KIRREL3: variants seen among roughly 807,000 people sequenced by gnomAD.
The protein encoded by KIRREL3 is kirre like nephrin family adhesion molecule 3.
KIRREL3 carries 36 observed loss-of-function variants against 89.7 expected under a neutral mutation model. That is an observed-to-expected ratio of 0.40 (90% CI 0.31 to 0.53). The LOEUF (loss-of-function observed/expected upper bound fraction) is 0.53, where lower values mean the gene tolerates loss of function less well. Ranked by LOEUF, KIRREL3 falls within the 20% of genes least tolerant of loss-of-function variation. The pLI is 0.49. For missense variants in KIRREL3, 864 were observed against 1,056.6 expected (o/e 0.82, Z 2.53); for synonymous variants, 445 against 441.4 (o/e 1.01, Z -0.10).
rs1018400581 is a variant in KIRREL3, at chr11:126,970,077, T to C, written c.55+30378A>G. ...GTCACAGCCAAGCTGCCCTAGGTTG[T>C]CACCTAGGGACGGAACAGGAAAATG... is the stretch of plus-strand genomic sequence containing the variant. On this transcript the variant is annotated intron_variant, in intron 1 of 16. Transcript: ENST00000525144. The surrounding 1 kb of genome is among the most constrained non-coding windows in gnomAD (Gnocchi z 4.4). 3.9e-5 allele frequency among the ~76,000 whole-genome samples: 6 copies of C among 152,194 alleles called. No individual in the cohort carries two copies. The highest frequency in any genetic ancestry group is 5.9e-5 in the Non-Finnish European group (4 of 68,030).
chr11:126,456,202 A>AAGAGG lies in KIRREL3; in HGVS notation c.848+142_848+146dup. The stretch of plus-strand genomic sequence containing the variant: ...ACACGGCTAGCAGGCAGGCGGGTTT[A>AAGAGG]AGAGGAAGGGAAGAAGGCTACTGGA... On this transcript the variant is annotated intron_variant, in intron 7 of 16. Coordinates refer to ENST00000525144, the MANE Select transcript of KIRREL3 (RefSeq NM_032531.4). 4.9e-6 allele frequency: 3 copies of AAGAGG among 608,446 alleles called. No individual in the cohort carries two copies. The Admixed American group carries it at 7.9e-5, about 16-fold the overall frequency. The allele number at this position is 608,446 out of a possible 1,614,324, so 37.7% of individuals were successfully genotyped here.
rs1295174701 is a variant in KIRREL3, at chr11:126,796,185, G to A, written c.55+204270C>T. Among the ~76,000 whole-genome samples the A allele has an allele frequency of 1.3e-5, 2 of 150,832 alleles. No homozygotes were observed. Among genetic ancestry groups the A allele is most frequent in the Non-Finnish European group, 3.0e-5 (2 of 67,778 alleles). ...TCTCTAGAGGTCATGAAGGGAAGAAGGGGTTAAAAAAAAAAAAGGCAAGAC... is the reference window on the plus strand; with the variant it reads ...TCTCTAGAGGTCATGAAGGGAAGAAAGGGTTAAAAAAAAAAAAGGCAAGAC... On this transcript the variant is annotated intron_variant, in intron 1 of 16. Transcript: ENST00000525144. This position sits in a 1 kb window ranked among gnomAD's most constrained non-coding sequence, Gnocchi z 5.1.
Position 126,890,506 on chromosome 11 carries a change from A to T in KIRREL3, c.55+109949T>A, listed in dbSNP as rs539694107. On this transcript the variant is annotated intron_variant, in intron 1 of 16. Transcript: ENST00000525144. This position sits in a 1 kb window ranked among gnomAD's most constrained non-coding sequence, Gnocchi z 5.1. ...GCTGCTCAATTTTCAACAGGATCTC[A>T]TCAAGCACTTTGCCATTTAATGGTG... 3.3e-5 allele frequency among the ~76,000 whole-genome samples: 5 copies of T among 152,278 alleles called. No homozygotes were observed. Among genetic ancestry groups the T allele is most frequent in the African/African-American group, 4.8e-5 (2 of 41,558 alleles).
At chr11:126,759,341 G>T (rs1164662189) in intron 1 of KIRREL3, among the ~76,000 whole-genome samples, 4 of 152,178 alleles carry the variant, frequency 2.6e-5, no homozygotes, top group African/African-American at 9.7e-5. Flanking sequence ...TATTGGCCAG[G>T]TTGGTCTCGA....
At chr11:126,584,920 C>CT (rs56653553) in intron 1 of KIRREL3, among the ~76,000 whole-genome samples, 49,925 of 147,866 alleles carry the variant, frequency 0.34, 8,350 homozygotes, top group Admixed American at 0.4. Context: ...CTTTGCTTTT[C>CT]TTTTTTTTTT....
At chr11:126,602,507 G>T (rs1942705348) in intron 1 of KIRREL3, among the ~76,000 whole-genome samples, 1 of 152,226 alleles carries the variant, frequency 6.6e-6, no homozygotes, top group Non-Finnish European at 1.5e-5. Context: ...TCCCCTGACA[G>T]ATGAGGGAGA....
At chr11:126,671,726 A>G (rs750240059) in intron 1 of KIRREL3, among the ~76,000 whole-genome samples, 4 of 151,990 alleles carry the variant, frequency 2.6e-5, no homozygotes, top group African/African-American at 4.8e-5. Flanking sequence ...TAAAATTACA[A>G]CATACCTCTA....
chr11:126,674,962 A>G (rs1029975110), intron 1 of KIRREL3, among the ~76,000 whole-genome samples: 1 of 152,188 alleles, frequency 6.6e-6, no homozygotes, highest in Non-Finnish European at 1.5e-5. Flanking sequence ...TTAACCAATA[A>G]GCACCTGATG....
At chr11:126,901,679 A>C (rs1946377191) in intron 1 of KIRREL3, among the ~76,000 whole-genome samples, 1 of 152,224 alleles carries the variant, frequency 6.6e-6, no homozygotes, top group Non-Finnish European at 1.5e-5. Context: ...TATGATGTCC[A>C]CATACAGATG....
chr11:126,831,028 A>T (rs1471085620), intron 1 of KIRREL3, among the ~76,000 whole-genome samples: 1 of 152,186 alleles, frequency 6.6e-6, no homozygotes, highest in Admixed American at 6.5e-5. Context: ...TGTGGATCAT[A>T]GGAGATTGGG....
intron 1 of KIRREL3, among the ~76,000 whole-genome samples, chr11:126,863,373 G>A (rs1168353979): frequency 5.1e-5 from 7 of 137,680 alleles, no homozygotes; most frequent in African/African-American, 1.1e-4. Flanking sequence ...GTTTGAGTGC[G>A]TGTGTGTGTT....
At chr11:126,813,980 T>C (rs1951477908) in intron 1 of KIRREL3, among the ~76,000 whole-genome samples, 1 of 152,096 alleles carries the variant, frequency 6.6e-6, no homozygotes, top group African/African-American at 2.4e-5. Context: ...ACAGACAACC[T>C]GCAGAATGGG....
chr11:126,958,789 C>A (rs973902717), intron 1 of KIRREL3, among the ~76,000 whole-genome samples: 4 of 152,176 alleles, frequency 2.6e-5, no homozygotes, highest in Non-Finnish European at 5.9e-5. Context: ...CTTTTTAATA[C>A]TTTCTTAGTC....
chr11:126,933,408 C>T lies in KIRREL3; in HGVS notation c.55+67047G>A, dbSNP rs143607422. ...AAGCCCTTCCTCCTTCAAGTCATCA[C>T]GTTATCTGCCTTAGGGGAACCTCCT... is the stretch of plus-strand genomic sequence containing the variant. On this transcript the variant is annotated intron_variant, in intron 1 of 16. Coordinates refer to ENST00000525144, the MANE Select transcript of KIRREL3 (RefSeq NM_032531.4). Among the ~76,000 whole-genome samples the T allele has an allele frequency of 5.8e-3, 875 of 151,728 alleles. 6 individuals carry two copies. The highest frequency in any genetic ancestry group is 0.018 in the African/African-American group (751 of 41,336).
At position 126,812,182 on chromosome 11, in the gene KIRREL3, A is replaced by G. The variant is rs189268905; in HGVS notation, c.55+188273T>C. On this transcript the variant is annotated intron_variant, in intron 1 of 16. Transcript: ENST00000525144. This position sits in a 1 kb window ranked among gnomAD's most constrained non-coding sequence, Gnocchi z 5.2. The stretch of plus-strand genomic sequence containing the variant: ...AACCCATTCTTTCTATTGTGATCAT[A>G]AGAAGAAGAAGGCCAAAGGATCATT... Among the ~76,000 whole-genome samples the G allele has an allele frequency of 1.1e-4, 16 of 152,312 alleles. No homozygotes were observed. Among genetic ancestry groups the G allele is most frequent in the Admixed American group, 7.8e-4 (12 of 15,302 alleles).
At chr11:126,592,318 CTTA>C (rs1381737705) in intron 1 of KIRREL3, among the ~76,000 whole-genome samples, 5 of 152,112 alleles carry the variant, frequency 3.3e-5, no homozygotes, top group African/African-American at 4.8e-5. Context: ...AATACTATGT[CTTA>C]TTATACAATG....
At chr11:126,702,539 C>G (rs1258166608) in intron 1 of KIRREL3, among the ~76,000 whole-genome samples, 1 of 152,202 alleles carries the variant, frequency 6.6e-6, no homozygotes, top group Non-Finnish European at 1.5e-5. Flanking sequence ...TGGCTTCCAC[C>G]AGCTTCCTCT....
In KIRREL3 at chr11:126,525,381, A is replaced by T. The variant is rs1958718888; in HGVS notation, c.283+1157T>A. 6.6e-6 allele frequency among the ~76,000 whole-genome samples: 1 copy of T among 152,212 alleles called. No homozygotes were observed. Among genetic ancestry groups the T allele is most frequent in the Admixed American group, 6.5e-5 (1 of 15,284 alleles). On this transcript the variant is annotated intron_variant, in intron 3 of 16. Coordinates refer to ENST00000525144, the MANE Select transcript of KIRREL3 (RefSeq NM_032531.4). This position sits in a 1 kb window ranked among gnomAD's most constrained non-coding sequence, Gnocchi z 5.4. ...TCTGAAATTGGCTGGTTCCCATAACAGTTAAACTTTATGGCAGCACAGTAT... is the reference window on the plus strand; with the variant it reads ...TCTGAAATTGGCTGGTTCCCATAACTGTTAAACTTTATGGCAGCACAGTAT...
Position 126,521,496 on chromosome 11 carries a change from G to C in KIRREL3, c.284-32C>G, listed in dbSNP as rs1172990790. 6.4e-7 allele frequency: 1 copy of C among 1,560,784 alleles called. No homozygotes were observed. The highest frequency in any genetic ancestry group is 8.7e-7 in the Non-Finnish European group (1 of 1,153,018). The stretch of plus-strand genomic sequence containing the variant: ...AGACAACAGGCAGGTCAGGGAGCTG[G>C]GGTGGGGTGGAGGGGACACCCATGA... On this transcript the variant is annotated intron_variant, in intron 3 of 16. Transcript: ENST00000525144. The surrounding 1 kb of genome is among the most constrained non-coding windows in gnomAD (Gnocchi z 4.1).
Sources: gnomAD v4.1 joint callset for allele counts (sites outside exome capture counted in the v4.1 genomes callset) on GRCh38, gnomAD v4.1.1 for gene constraint, Gnocchi (gnomAD v3.1) non-coding constraint, MANE v1.5 for transcripts, NCBI Gene and HGNC (gene_info 2026-07-23, HGNC 2026-07-21) for gene names.